Variants in MYO7A observed in about 807,000 individuals in gnomAD.
MYO7A encodes myosin VIIA.
A neutral mutation model predicts 263.8 loss-of-function variants in MYO7A; 210 were observed. The observed-to-expected ratio is 0.80, with a 90% confidence interval of 0.71 to 0.89. The LOEUF (loss-of-function observed/expected upper bound fraction) is 0.89, where lower values mean the gene tolerates loss of function less well. Ranked by LOEUF, MYO7A falls within the 40% of genes least tolerant of loss-of-function variation. MYO7A has a pLI of 0.00. For synonymous variants in MYO7A, 1,239 were observed against 1,197.3 expected (o/e 1.03, Z -0.72); for missense variants, 2,820 against 2,968.3 (o/e 0.95, Z 1.16).
chr11:77,184,583 C>G lies in MYO7A; in HGVS notation c.3376-5C>G. ...TACCTGCCCTGTCCTCTCCCTCTGG[C>G]CCAGGTGACCAAGAGGCTGCATGAC... On this transcript the variant is annotated splice_region_variant and splice_polypyrimidine_tract_variant and intron_variant, in intron 26 of 48. Coordinates refer to ENST00000409709, the MANE Select transcript of MYO7A (RefSeq NM_000260.4). 6.4e-7 allele frequency: 1 copy of G among 1,559,406 alleles called. No homozygotes were observed. The highest frequency in any genetic ancestry group is 1.2e-5 in the South Asian group (1 of 84,616).
At chr11:77,180,845 C>T (rs1197937943) in intron 22 of MYO7A, among the ~76,000 whole-genome samples, 3 of 152,214 alleles carry the variant, frequency 2.0e-5, no homozygotes, top group South Asian at 2.1e-4. Flanking sequence ...GTGGCCTGTC[C>T]GAATGACACA....
intron 1 of MYO7A, among the ~76,000 whole-genome samples, chr11:77,129,174 A>C (rs899107479): frequency 6.6e-6 from 1 of 152,144 alleles, no homozygotes; most frequent in Non-Finnish European, 1.5e-5. Context: ...CCCAGCCCTC[A>C]TGGCTCATGC....
chr11:77,190,611 C>T (rs1393602695), intron 29 of MYO7A, 86 bp from the exon 30 acceptor site: 3 of 1,148,598 alleles, frequency 2.6e-6, no homozygotes, highest in Non-Finnish European at 3.6e-6. Context: ...CACCTCCAAC[C>T]CCACAGAAAG....
At position 77,162,876 on chromosome 11, in the gene MYO7A, C is replaced by T. The variant is rs1179263079; in HGVS notation, c.1578C>T (p.His526=). 1.2e-6 allele frequency: 2 copies of T among 1,613,710 alleles called. No individual in the cohort carries two copies. The highest frequency in any genetic ancestry group is 1.7e-6 in the Non-Finnish European group (2 of 1,179,862). The change falls in exon 14 of 49, where the codon CAC becomes CAT. Residue 526 remains histidine (H), a synonymous_variant. Coordinates refer to ENST00000409709, the MANE Select transcript of MYO7A (RefSeq NM_000260.4). ...FPKGTDTTML[H]KLNSQHKLNA... ...AGGGCACAGACACCACCATGTTACA[C>T]AAGCTGAACTCCCAGCACAAGCTCA...
At chr11:77,192,333 C>T (rs1956155608) in intron 31 of MYO7A, 55 bp downstream of exon 31, 1 of 1,559,522 alleles carries the variant, frequency 6.4e-7, no homozygotes, top group African/African-American at 1.4e-5. Flanking sequence ...CTCCTGCTTT[C>T]CACGTTTGGG....
chr11:77,207,411 T>C lies in MYO7A; in HGVS notation c.5856+9T>C. The C allele has an allele frequency of 6.4e-7, 1 of 1,573,170 alleles. No homozygotes were observed. The highest frequency in any genetic ancestry group is 8.7e-7 in the Non-Finnish European group (1 of 1,150,090). Reference sequence around the variant, plus strand: ...TCAAAATTGCAGACAAGGTGGGTCCTTTGCCACCTTCGCCAAGGTGGGAGA... The same window carrying C: ...TCAAAATTGCAGACAAGGTGGGTCCCTTGCCACCTTCGCCAAGGTGGGAGA... On this transcript the variant is annotated intron_variant, in intron 42 of 48. Transcript: ENST00000409709.
chr11:77,160,871 T>G, intron 11 of MYO7A, 102 bp from the exon 12 acceptor site: 2 of 1,388,362 alleles, frequency 1.4e-6, no homozygotes, highest in Middle Eastern at 2.5e-4. Context: ...CGGCACTTTG[T>G]TCCACACAAG....
intron 5 of MYO7A, among the ~76,000 whole-genome samples, chr11:77,156,308 T>G (rs1162672182): frequency 2.6e-5 from 4 of 152,260 alleles, no homozygotes; most frequent in African/African-American, 7.2e-5. Flanking sequence ...TCACATTAGC[T>G]TTTGAGGCCA....
At chr11:77,170,127 A>C (rs1349199150) in intron 15 of MYO7A, among the ~76,000 whole-genome samples, 1 of 152,194 alleles carries the variant, frequency 6.6e-6, no homozygotes, top group Non-Finnish European at 1.5e-5. Flanking sequence ...GCAGTGTATC[A>C]GATGGTGAGA....
chr11:77,213,134 A>G (rs986267337), intron 47 of MYO7A, 99 bp downstream of exon 47: 4 of 905,746 alleles, frequency 4.4e-6, no homozygotes, highest in African/African-American at 3.3e-5. Context: ...GCCACCATCT[A>G]TCTCTAGACT....
intron 23 of MYO7A, 47 bp from the exon 24 acceptor site, chr11:77,181,904 C>T (rs781944040): frequency 6.3e-7 from 1 of 1,583,866 alleles, no homozygotes; most frequent in Non-Finnish European, 8.6e-7. Context: ...CCCACCTGAG[C>T]TTCCTGAGTA....
At chr11:77,167,866 T>C (rs1353803824) in intron 15 of MYO7A, among the ~76,000 whole-genome samples, 1 of 152,000 alleles carries the variant, frequency 6.6e-6, no homozygotes, top group Non-Finnish European at 1.5e-5. Flanking sequence ...TGGAAGAACC[T>C]CCCGCCCCCA....
At chr11:77,159,403 G>C in intron 9 of MYO7A, 44 bp from the exon 10 acceptor site, 2 of 711,720 alleles carry the variant, frequency 2.8e-6, no homozygotes, top group Non-Finnish European at 2.5e-6. Flanking sequence ...TGCCCCTGTT[G>C]CCCACCCTCC....
Position 77,177,570 on chromosome 11 carries a change from G to C in MYO7A, c.2209G>C (p.Glu737Gln). 1 of 1,611,708 alleles carries C rather than the reference G, an allele frequency of 6.2e-7. No homozygotes were observed. The highest frequency in any genetic ancestry group is 8.5e-7 in the Non-Finnish European group (1 of 1,179,262). ...CTAGGACCACCATGACATGCTGCTGGAAGTGGAGCGGGACAAAGCCATCAC... is the reference window on the plus strand; with the variant it reads ...CTAGGACCACCATGACATGCTGCTGCAAGTGGAGCGGGACAAAGCCATCAC... ...FLKDHHDMLL[E>Q]VERDKAITDR... The change falls in exon 19 of 49, where the codon GAA (glutamate) becomes CAA (glutamine). Residue 737 changes from glutamate (E) to glutamine (Q), a missense_variant. Coordinates refer to ENST00000409709, the MANE Select transcript of MYO7A (RefSeq NM_000260.4).
intron 3 of MYO7A, among the ~76,000 whole-genome samples, chr11:77,143,377 T>C (rs1951345489): frequency 6.6e-6 from 1 of 152,262 alleles, no homozygotes; most frequent in Non-Finnish European, 1.5e-5. Flanking sequence ...TGACATCACA[T>C]GAATCCACTG....
In MYO7A at chr11:77,174,781, G is replaced by C. The variant is rs41298143; in HGVS notation, c.1961G>C (p.Arg654Pro). 1.2e-6 allele frequency: 2 copies of C among 1,604,292 alleles called. No homozygotes were observed. The highest frequency in any genetic ancestry group is 2.7e-5 in the African/African-American group (2 of 74,752). ...CTGTTCGACCGGCACCTGTGCGTGC[G>C]CCAGCTGCGGTACTCAGGAATGATG... ...PMLFDRHLCVRQLRYSGMMET... is the reference protein window; with the variant it reads ...PMLFDRHLCVPQLRYSGMMET... Residue 654 changes from arginine (R) to proline (P), a missense_variant, in exon 17 of 49, where the codon CGC (arginine) becomes CCC (proline). Transcript: ENST00000409709.
rs1451651546 is a variant in MYO7A, at chr11:77,190,009, T to G, written c.3631-11T>G. On this transcript the variant is annotated splice_polypyrimidine_tract_variant and intron_variant, in intron 28 of 48. Transcript: ENST00000409709. ...CCCCAGGGGCCGCCTCAGCGGGTAC[T>G]CTGGCTGCAGTACCTGCGGAACTTC... The G allele has an allele frequency of 1.3e-6, 2 of 1,529,860 alleles. No individual in the cohort carries two copies. Among genetic ancestry groups the G allele is most frequent in the African/African-American group, 1.4e-5 (1 of 72,464 alleles). 94.8% of individuals were successfully genotyped at this position (1,529,860 alleles called of 1,614,324 possible).
chr11:77,188,552 G>C (rs1215052688), intron 27 of MYO7A, among the ~76,000 whole-genome samples: 2 of 150,748 alleles, frequency 1.3e-5, no homozygotes, highest in Admixed American at 6.6e-5. Context: ...GCATCGTCAT[G>C]TGTCCTGCCC....
At chr11:77,144,036 C>T (rs1555052331) in intron 3 of MYO7A, among the ~76,000 whole-genome samples, 1 of 152,110 alleles carries the variant, frequency 6.6e-6, no homozygotes, top group Admixed American at 6.5e-5. Flanking sequence ...GAAACTGAGG[C>T]ACATAGAGGG....
Sources: allele counts gnomAD v4.1 joint callset (sites outside exome capture counted in the v4.1 genomes callset), GRCh38; gene constraint gnomAD v4.1.1; transcripts MANE v1.5; gene names NCBI Gene and HGNC (gene_info 2026-07-23, HGNC 2026-07-21).